The following TGM4 variants were observed in gnomAD, a reference collection of about 807,000 sequenced individuals.
The protein encoded by TGM4 is protein-glutamine gamma-glutamyltransferase 4.
TGM4 carries 61 observed loss-of-function variants against 76.3 expected under a neutral mutation model. The observed-to-expected ratio is 0.80, with a 90% CI of 0.65 to 0.99. The LOEUF is 0.99. TGM4 is among the 50% of genes least tolerant of loss of function. The pLI, the probability that TGM4 is intolerant of heterozygous loss-of-function variation, is 0.00. For missense variants in TGM4, 794 were observed against 843.2 expected (o/e 0.94, Z 0.72); for synonymous variants, 337 against 329.8 (o/e 1.02, Z -0.24).
At chr3:44,899,873 C>T (rs1699829133) in intron 6 of TGM4, among the ~76,000 whole-genome samples, 1 of 152,222 alleles carries the variant, frequency 6.6e-6, no homozygotes, top group African/African-American at 2.4e-5. Flanking sequence ...CAGCCAGCTT[C>T]CATCAGAGTG....
intron 1 of TGM4, among the ~76,000 whole-genome samples, chr3:44,878,711 G>A (rs1339522300): frequency 1.3e-5 from 2 of 151,860 alleles, no homozygotes; most frequent in Admixed American, 1.3e-4. Context: ...TGAACTCCTG[G>A]CCTCAAGTGA....
At chr3:44,896,273 G>T (rs540902073) in intron 5 of TGM4, among the ~76,000 whole-genome samples, 207 of 152,146 alleles carry the variant, frequency 1.4e-3, no homozygotes, top group African/African-American at 4.8e-3. Flanking sequence ...CACCACGCCC[G>T]GCTAATTTTG....
chr3:44,906,326 G>A (rs1381479541), intron 9 of TGM4, among the ~76,000 whole-genome samples: 2 of 152,164 alleles, frequency 1.3e-5, no homozygotes, highest in African/African-American at 4.8e-5. Flanking sequence ...TTCTCATTAA[G>A]TTGTCAATGA....
chr3:44,906,681 G>A (rs1699926079), intron 9 of TGM4, among the ~76,000 whole-genome samples: 1 of 152,172 alleles, frequency 6.6e-6, no homozygotes, highest in Non-Finnish European at 1.5e-5. Flanking sequence ...TGCTCTACTG[G>A]GGACTGATGT....
intron 4 of TGM4, 67 bp from the exon 5 acceptor site, chr3:44,893,510 C>T: frequency 1.5e-6 from 2 of 1,372,916 alleles, no homozygotes; most frequent in Non-Finnish European, 1.0e-6. Context: ...CAGACAGTCC[C>T]CATTGGCAAG....
chr3:44,886,969 CT>C (rs1699616584), intron 2 of TGM4, among the ~76,000 whole-genome samples: 1 of 152,238 alleles, frequency 6.6e-6, no homozygotes, highest in South Asian at 2.1e-4. Flanking sequence ...GGAAGTGACC[CT>C]GCTGAGACCC....
At chr3:44,897,032 C>G (rs1699789334) in intron 6 of TGM4, among the ~76,000 whole-genome samples, 1 of 135,464 alleles carries the variant, frequency 7.4e-6, no homozygotes, top group South Asian at 2.3e-4. Flanking sequence ...GAGACAGAGT[C>G]TCATTCTGTC....
intron 6 of TGM4, among the ~76,000 whole-genome samples, chr3:44,899,829 G>A (rs1489162047): frequency 1.3e-5 from 2 of 152,186 alleles, no homozygotes; most frequent in Admixed American, 1.3e-4. Flanking sequence ...ACCTAGCTGC[G>A]AGCAGCCTCA....
chr3:44,892,209 G>T (rs1699709762), intron 4 of TGM4, among the ~76,000 whole-genome samples: 1 of 151,470 alleles, frequency 6.6e-6, no homozygotes, highest in African/African-American at 2.4e-5. Flanking sequence ...AGTGAGCTGA[G>T]ATCACGCCAC....
chr3:44,896,547 G>A (rs889462295), intron 5 of TGM4, among the ~76,000 whole-genome samples, 162 bp from the exon 6 acceptor site: 9 of 152,222 alleles, frequency 5.9e-5, no homozygotes, highest in Non-Finnish European at 1.2e-4. Context: ...CATTTAAATG[G>A]TTTCTAATTT....
chr3:44,903,217 T>G (rs1264440174), intron 8 of TGM4, among the ~76,000 whole-genome samples: 1 of 152,158 alleles, frequency 6.6e-6, no homozygotes. Flanking sequence ...GGGCCAACTG[T>G]AGGACTTGAG....
chr3:44,909,732 C>A (rs961596459), intron 10 of TGM4, among the ~76,000 whole-genome samples: 1 of 152,156 alleles, frequency 6.6e-6, no homozygotes. Context: ...CAAAACTATT[C>A]TTACTGAGAT....
At chr3:44,906,817 G>A in intron 9 of TGM4, 132 bp from the exon 10 acceptor site, 1 of 1,145,322 alleles carries the variant, frequency 8.7e-7, no homozygotes, top group Non-Finnish European at 1.3e-6. Context: ...TAGGAAATGA[G>A]TACCCAGATG....
chr3:44,913,387 C>T (rs1260473945), intron 13 of TGM4, among the ~76,000 whole-genome samples, 197 bp from the exon 14 acceptor site: 4 of 152,180 alleles, frequency 2.6e-5, no homozygotes, highest in African/African-American at 7.2e-5. Flanking sequence ...CTGGTTCACC[C>T]GTCTTGCTTT....
chr3:44,905,443 G>A (rs903438758), intron 9 of TGM4, among the ~76,000 whole-genome samples: 2 of 152,198 alleles, frequency 1.3e-5, no homozygotes, highest in African/African-American at 4.8e-5. Context: ...AGCCCCTGAA[G>A]TAGATGTCTC....
rs147293722 is a variant in TGM4 at position 44,901,909 on chromosome 3, A to C, written c.949A>C (p.Ser317Arg). 294 of 1,613,244 alleles carry C rather than the reference A, an allele frequency of 1.8e-4. 2 individuals carry two copies. Among genetic ancestry groups the C allele is most frequent in the Middle Eastern group, 1.6e-3 (10 of 6,062 alleles). The change falls in exon 8 of 14, where the codon AGT (serine) becomes CGT (arginine). Residue 317 changes from serine to arginine, a missense_variant. Transcript: ENST00000296125. ...YVNENGEKIT[S>R]MTHDSVWNFH... ...GAATGAGAATGGCGAGAAAATCACC[A>C]GTATGACCCACGACTCTGTCTGGTA... is the stretch of plus-strand genomic sequence containing the variant.
chr3:44,900,526 A>G (rs1290166311), intron 6 of TGM4, among the ~76,000 whole-genome samples: 1 of 152,236 alleles, frequency 6.6e-6, no homozygotes, highest in East Asian at 1.9e-4. Context: ...ATTGTAGCAT[A>G]CTATAAGGGT....
Position 44,887,769 on chromosome 3 carries a change from A to T in TGM4, c.274A>T (p.Thr92Ser), listed in dbSNP as rs779502794. ...TPSDHYNWQA[T>S]LQNESGKEVT... is the part of the protein sequence containing the mutation. The stretch of plus-strand genomic sequence containing the variant: ...CTCAGACCACTACAACTGGCAGGCA[A>T]CCCTTCAAAATGAGTCTGGCAAAGA... Residue 92 changes from threonine (T) to serine (S), a missense_variant, in exon 3 of 14, where the codon ACC becomes TCC. By Grantham distance (58) the Thr-to-Ser change is moderately conservative. Transcript: ENST00000296125. 1 of 1,614,038 alleles carries T rather than the reference A, an allele frequency of 6.2e-7. No homozygotes were observed. Among genetic ancestry groups the T allele is most frequent in the Non-Finnish European group, 8.5e-7 (1 of 1,180,020 alleles).
chr3:44,909,706 G>A (rs770621609), intron 10 of TGM4, among the ~76,000 whole-genome samples: 13 of 152,166 alleles, frequency 8.5e-5, no homozygotes, highest in Non-Finnish European at 1.5e-4. Context: ...AAGGGGAGAT[G>A]GGAATCAGAA....
Sources: gnomAD v4.1 joint callset for allele counts (sites outside exome capture counted in the v4.1 genomes callset) on GRCh38, gnomAD v4.1.1 for gene constraint, MANE v1.5 for transcripts, NCBI Gene and HGNC (gene_info 2026-07-23, HGNC 2026-07-21) for gene names.